PCLO: variants seen among roughly 807,000 people sequenced by gnomAD.
The protein encoded by PCLO is protein piccolo.
PCLO carries 82 observed loss-of-function variants against 427.5 expected under a neutral mutation model. That is an observed-to-expected ratio of 0.19 (90% CI 0.16 to 0.23). PCLO has a LOEUF of 0.23. Among genes scored for constraint, PCLO ranks in the 10% least tolerant of loss-of-function variants. The pLI is 1.00. For synonymous variants in PCLO, 2,357 were observed against 2,155.4 expected (o/e 1.09, Z -2.59); for missense variants, 6,239 against 6,115.9 (o/e 1.02, Z -0.67).
chr7:83,012,033 T>C (rs766955351), intron 3 of PCLO, among the ~76,000 whole-genome samples: 5 of 152,140 alleles, frequency 3.3e-5, no homozygotes, highest in Non-Finnish European at 5.9e-5. Flanking sequence ...CAGATGAAAT[T>C]ATATGTATTT....
chr7:82,820,392 C>G (rs1791763344), intron 20 of PCLO: 1 of 459,354 alleles, frequency 2.2e-6, no homozygotes, highest in South Asian at 9.8e-5. Context: ...TAATTAAAAT[C>G]TATTGCAACG....
chr7:83,052,211 A>G (rs1374401090), intron 3 of PCLO, among the ~76,000 whole-genome samples: 1 of 152,052 alleles, frequency 6.6e-6, no homozygotes, highest in Non-Finnish European at 1.5e-5. Flanking sequence ...TAACAAATGT[A>G]CCACACTAAT....
intron 2 of PCLO, among the ~76,000 whole-genome samples, chr7:83,136,020 T>G (rs1791719122): frequency 6.6e-6 from 1 of 151,456 alleles, no homozygotes; most frequent in Non-Finnish European, 1.5e-5. Context: ...ATCACTTGAA[T>G]CCAGGAGGCT....
At chr7:82,763,810 T>C (rs62465937) in intron 22 of PCLO, among the ~76,000 whole-genome samples, 2,540 of 152,146 alleles carry the variant, frequency 0.017, 34 homozygotes, top group Middle Eastern at 0.034. Context: ...TTAGAGATAG[T>C]TCATAGTAGA....
chr7:83,080,444 C>A (rs1790069225), intron 3 of PCLO, among the ~76,000 whole-genome samples: 1 of 152,026 alleles, frequency 6.6e-6, no homozygotes, highest in African/African-American at 2.4e-5. Flanking sequence ...ATTGTGGTTT[C>A]AATTTGCATT....
At chr7:82,823,728 C>T (rs1443682709) in intron 19 of PCLO, among the ~76,000 whole-genome samples, 1 of 152,040 alleles carries the variant, frequency 6.6e-6, no homozygotes, top group Non-Finnish European at 1.5e-5. Flanking sequence ...TTTCAGCATA[C>T]CAATTGTTTT....
At chr7:83,079,656 T>C (rs1412033369) in intron 3 of PCLO, among the ~76,000 whole-genome samples, 3 of 152,112 alleles carry the variant, frequency 2.0e-5, no homozygotes, top group Non-Finnish European at 4.4e-5. Context: ...GAATATAATA[T>C]CTTGTTCAGC....
At chr7:83,121,334 GGTTATTT>G (rs1224998702) in intron 3 of PCLO, among the ~76,000 whole-genome samples, 1 of 151,824 alleles carries the variant, frequency 6.6e-6, no homozygotes, top group Non-Finnish European at 1.5e-5. Context: ...GGTAATAGAA[GGTTATTT>G]GTAAGTCTCA....
chr7:82,784,093 C>T (rs374439670), intron 22 of PCLO, among the ~76,000 whole-genome samples: 26 of 152,152 alleles, frequency 1.7e-4, no homozygotes, highest in African/African-American at 6.3e-4. Context: ...TCTTCTTTGA[C>T]CCTTTTTCTC....
chr7:82,910,553 C>CT (rs200748381), intron 7 of PCLO, among the ~76,000 whole-genome samples: 26 of 152,090 alleles, frequency 1.7e-4, no homozygotes, highest in East Asian at 1.5e-3. Context: ...CTTATATTGT[C>CT]TTTTTTTTCC....
chr7:82,770,798 G>A (rs1463235033), intron 22 of PCLO, among the ~76,000 whole-genome samples: 4 of 151,502 alleles, frequency 2.6e-5, no homozygotes, highest in African/African-American at 4.8e-5. Flanking sequence ...CTATATCCTC[G>A]AGTAGCAAAG....
At chr7:82,783,490 C>T (rs180944905) in intron 22 of PCLO, among the ~76,000 whole-genome samples, 3 of 151,964 alleles carry the variant, frequency 2.0e-5, no homozygotes, top group East Asian at 1.9e-4. Flanking sequence ...GGCATGGTGG[C>T]GGGCTCCTGT....
chr7:83,050,968 T>A (rs964915991), intron 3 of PCLO, among the ~76,000 whole-genome samples: 3 of 151,696 alleles, frequency 2.0e-5, no homozygotes, highest in Non-Finnish European at 4.4e-5. Flanking sequence ...ATTAGAAAAA[T>A]AATATGATTA....
At chr7:82,995,226 G>C (rs1437733743) in intron 3 of PCLO, among the ~76,000 whole-genome samples, 1 of 151,982 alleles carries the variant, frequency 6.6e-6, no homozygotes, top group African/African-American at 2.4e-5. Flanking sequence ...ATAGCCTTTA[G>C]AATCTAGGTT....
intron 3 of PCLO, among the ~76,000 whole-genome samples, chr7:83,052,031 T>A (rs74853533): frequency 0.063 from 9,539 of 151,712 alleles, 364 homozygotes; most frequent in Admixed American, 0.1. Context: ...TTAGAAAAAA[T>A]AACCCAAAAA....
intron 3 of PCLO, among the ~76,000 whole-genome samples, chr7:83,054,429 G>GT (rs1789328457): frequency 6.6e-6 from 1 of 151,914 alleles, no homozygotes; most frequent in Non-Finnish European, 1.5e-5. Context: ...ATTTTTCACA[G>GT]TATCACTTTC....
intron 23 of PCLO, 39 bp from the exon 24 acceptor site, chr7:82,760,823 A>G: frequency 8.8e-7 from 1 of 1,141,782 alleles, no homozygotes. Flanking sequence ...TCCATCAATC[A>G]TATAAATTTC....
At chr7:82,815,056 G>A (rs2189246) in intron 20 of PCLO, among the ~76,000 whole-genome samples, 88,662 of 151,786 alleles carry the variant, frequency 0.58, 26,793 homozygotes, top group East Asian at 0.85. Context: ...CTTTCTTGAA[G>A]AGATTCATTA....
chr7:83,056,062 C>A (rs1390945468), intron 3 of PCLO, among the ~76,000 whole-genome samples: 2 of 152,010 alleles, frequency 1.3e-5, no homozygotes, highest in Admixed American at 6.6e-5. Context: ...ATGATCTCAG[C>A]AATTTAGCTG....
Sources: gnomAD v4.1 joint callset for allele counts (sites outside exome capture counted in the v4.1 genomes callset) on GRCh38, gnomAD v4.1.1 for gene constraint, MANE v1.5 for transcripts, NCBI Gene and HGNC (gene_info 2026-07-23, HGNC 2026-07-21) for gene names.